The following ARHGAP22 variants were observed in gnomAD, a reference collection of about 807,000 sequenced individuals.
The protein encoded by ARHGAP22 is rho GTPase-activating protein 22.
ARHGAP22 carries 48 observed loss-of-function variants against 59.1 expected under a neutral mutation model. The ratio of observed to expected loss-of-function variants is 0.81; its 90% confidence interval spans 0.64 to 1.03. ARHGAP22 has a LOEUF of 1.03. ARHGAP22 is among the 50% of genes least tolerant of loss of function. The pLI is 0.00. For missense variants in ARHGAP22, 1,015 were observed against 958.7 expected (o/e 1.06, Z -0.78); for synonymous variants, 445 against 416.4 (o/e 1.07, Z -0.84).
chr10:48,550,016 T>A (rs773153808), intron 3 of ARHGAP22, among the ~76,000 whole-genome samples: 1 of 152,222 alleles, frequency 6.6e-6, no homozygotes, highest in Non-Finnish European at 1.5e-5. Flanking sequence ...TTACATTAAA[T>A]TCAGTTACCT....
chr10:48,541,517 C>T (rs1016203248), intron 3 of ARHGAP22, among the ~76,000 whole-genome samples: 4 of 152,184 alleles, frequency 2.6e-5, no homozygotes, highest in African/African-American at 9.7e-5. Flanking sequence ...CATGACCCTG[C>T]TGAGAGTCAG....
chr10:48,603,126 T>C (rs967851680), intron 1 of ARHGAP22, among the ~76,000 whole-genome samples: 1 of 152,136 alleles, frequency 6.6e-6, no homozygotes, highest in Non-Finnish European at 1.5e-5. Context: ...CACCCCTCAG[T>C]TGGAATAACC....
chr10:48,527,199 GGATGGATGGATGGGCA>G (rs1407532206), intron 3 of ARHGAP22, among the ~76,000 whole-genome samples: 2 of 152,164 alleles, frequency 1.3e-5, no homozygotes, highest in Admixed American at 1.3e-4. Context: ...ATGGGTGCAT[GGATGGATGGATGGGCA>G]GATGGATGGG....
intron 2 of ARHGAP22, among the ~76,000 whole-genome samples, chr10:48,576,681 C>G (rs1243994795): frequency 6.6e-6 from 1 of 152,218 alleles, no homozygotes. Flanking sequence ...CACGGCTTAT[C>G]ATGAGGCAGC....
intron 1 of ARHGAP22, among the ~76,000 whole-genome samples, chr10:48,601,065 T>G (rs921452970): frequency 5.3e-5 from 8 of 152,176 alleles, no homozygotes; most frequent in African/African-American, 1.9e-4. Flanking sequence ...AGATGCTGTG[T>G]CACCTAATTA....
Position 48,450,652 on chromosome 10 carries a change from C to G in ARHGAP22, c.1477G>C (p.Asp493His). 2.6e-6 allele frequency: 4 copies of G among 1,550,214 alleles called. No individual in the cohort carries two copies. The highest frequency in any genetic ancestry group is 2.4e-5 in the East Asian group (1 of 40,928). Reference protein sequence around the residue: ...SGSVQRLSTYDNVPAPGLVPG... With the variant: ...SGSVQRLSTYHNVPAPGLVPG... ...ACCAGGCCCGGCGCGGGCACATTGT[C>G]GTAGGTGGAGAGTCTCTGCACGGAG... Residue 493 changes from aspartate (D) to histidine (H), a missense_variant, in exon 9 of 10, where the codon GAC becomes CAC. By Grantham distance (81) the Asp-to-His change is moderately conservative. Coordinates refer to ENST00000249601, the MANE Select transcript of ARHGAP22 (RefSeq NM_021226.4).
At chr10:48,607,973 C>G (rs1291218699), upstream of ARHGAP22, among the ~76,000 whole-genome samples, 1 of 152,234 alleles carries the variant, frequency 6.6e-6, no homozygotes, top group Non-Finnish European at 1.5e-5. Flanking sequence ...ACCTTCAAAA[C>G]AGTAGTTCCT....
intron 1 of ARHGAP22, among the ~76,000 whole-genome samples, chr10:48,587,325 C>T (rs1409194308): frequency 1.3e-5 from 2 of 152,240 alleles, no homozygotes; most frequent in African/African-American, 2.4e-5. Flanking sequence ...GACCCCTGGG[C>T]TCGAGAGGAG....
chr10:48,633,354 G>A (rs1378516653), intron 1 of ARHGAP22, among the ~76,000 whole-genome samples: 1 of 152,206 alleles, frequency 6.6e-6, no homozygotes, highest in African/African-American at 2.4e-5. Flanking sequence ...TAGGGTTCCT[G>A]TGTCCAGAGT....
chr10:48,508,432 T>C (rs1308520579), intron 3 of ARHGAP22, among the ~76,000 whole-genome samples: 1 of 152,198 alleles, frequency 6.6e-6, no homozygotes, highest in Admixed American at 6.5e-5. Flanking sequence ...CCTGGCTGCC[T>C]AAGCCTTTCC....
chr10:48,566,010 T>C (rs1307606063), intron 2 of ARHGAP22, among the ~76,000 whole-genome samples: 1 of 152,196 alleles, frequency 6.6e-6, no homozygotes, highest in Non-Finnish European at 1.5e-5. Flanking sequence ...ATCCTCCTAT[T>C]GGCCAGCCTT....
rs1294671150 is a variant in ARHGAP22, at chr10:48,459,907, A to G, written c.452-16T>C. ...CCAAAGATCCCTGAGCACAGAGAGG[A>G]GCTAGTCACACCCTCCACCACCCAG... On this transcript the variant is annotated splice_polypyrimidine_tract_variant and intron_variant, in intron 4 of 9. Transcript: ENST00000249601. The G allele has an allele frequency of 6.2e-7, 1 of 1,608,262 alleles. No individual in the cohort carries two copies. Among genetic ancestry groups the G allele is most frequent in the Admixed American group, 1.7e-5 (1 of 59,910 alleles).
At chr10:48,490,502 T>C (rs1589713569) in intron 3 of ARHGAP22, among the ~76,000 whole-genome samples, 2 of 152,276 alleles carry the variant, frequency 1.3e-5, no homozygotes, top group African/African-American at 4.8e-5. Context: ...CAGCCAGATC[T>C]CTATTGCCTA....
At chr10:48,442,527 T>G (rs2045226872), downstream of ARHGAP22, among the ~76,000 whole-genome samples, 1 of 152,136 alleles carries the variant, frequency 6.6e-6, no homozygotes, top group Non-Finnish European at 1.5e-5. Context: ...GAAAAGATAT[T>G]CTAGAACCTG....
intron 4 of ARHGAP22, among the ~76,000 whole-genome samples, chr10:48,473,436 T>C (rs928642123): frequency 6.6e-6 from 1 of 151,560 alleles, no homozygotes; most frequent in African/African-American, 2.4e-5. Flanking sequence ...TGCCACTGAA[T>C]TGTACACTGT....
chr10:48,606,709 G>A (rs568884748), upstream of ARHGAP22, among the ~76,000 whole-genome samples: 2 of 152,286 alleles, frequency 1.3e-5, no homozygotes, highest in Admixed American at 6.5e-5. Flanking sequence ...GTCTTTGCAC[G>A]TGCAGTTCCC....
intron 2 of ARHGAP22, among the ~76,000 whole-genome samples, chr10:48,581,874 A>G (rs2059141403): frequency 6.6e-6 from 1 of 152,240 alleles, no homozygotes. Context: ...ATTCATGAGC[A>G]GCCAGTTCCT....
chr10:48,507,224 C>T (rs2052235263), intron 3 of ARHGAP22, among the ~76,000 whole-genome samples: 1 of 152,162 alleles, frequency 6.6e-6, no homozygotes, highest in Non-Finnish European at 1.5e-5. Flanking sequence ...CATCTGTCAA[C>T]CTCATCCATC....
At chr10:48,592,504 G>T (rs1470314527) in intron 1 of ARHGAP22, among the ~76,000 whole-genome samples, 2 of 152,116 alleles carry the variant, frequency 1.3e-5, no homozygotes, top group African/African-American at 4.8e-5. Flanking sequence ...GTACTCCTGG[G>T]TTCCAAGATT....
Sources: gnomAD v4.1 joint callset for allele counts (sites outside exome capture counted in the v4.1 genomes callset) on GRCh38, gnomAD v4.1.1 for gene constraint, MANE v1.5 for transcripts, NCBI Gene and HGNC (gene_info 2026-07-23, HGNC 2026-07-21) for gene names.